Variants in FANCC observed in about 807,000 individuals in gnomAD.
FANCC encodes the protein Fanconi anemia group C protein.
In FANCC, 55 loss-of-function variants were observed where a neutral mutation model predicts 71.3. The ratio of observed to expected loss-of-function variants is 0.77; its 90% CI spans 0.62 to 0.97. The LOEUF (loss-of-function observed/expected upper bound fraction) is 0.97. Among genes scored for constraint, FANCC ranks in the 50% least tolerant of loss-of-function variants. The probability of loss-of-function intolerance (pLI) is 0.00; values close to 1 mark genes in which losing one functional copy is unlikely to be tolerated. For missense variants in FANCC, 678 were observed against 670.9 expected (o/e 1.01, Z -0.12); for synonymous variants, 275 against 244.9 (o/e 1.12, Z -1.15).
At chr9:95,211,107 A>G (rs1288371973) in intron 4 of FANCC, among the ~76,000 whole-genome samples, 6 of 152,204 alleles carry the variant, frequency 3.9e-5, no homozygotes, top group Non-Finnish European at 8.8e-5. Context: ...ACTGAACAAA[A>G]TATCTTCAGA....
At chr9:95,102,811 G>A (rs868213160) in intron 14 of FANCC, among the ~76,000 whole-genome samples, 4 of 152,206 alleles carry the variant, frequency 2.6e-5, no homozygotes, top group South Asian at 2.1e-4. Flanking sequence ...GAATGGCAGC[G>A]TGGGGACGCA....
intron 1 of FANCC, among the ~76,000 whole-genome samples, chr9:95,301,860 G>C (rs550090812): frequency 6.8e-6 from 1 of 147,536 alleles, no homozygotes; most frequent in African/African-American, 2.5e-5. Flanking sequence ...GGTGAATCAC[G>C]AGGTCAGGAG....
chr9:95,281,691 T>C (rs1299107964), intron 1 of FANCC, among the ~76,000 whole-genome samples: 1 of 152,022 alleles, frequency 6.6e-6, no homozygotes, highest in African/African-American at 2.4e-5. Context: ...TTTAAGAAGG[T>C]TAAGACAACA....
chr9:95,256,871 G>A (rs1831690392), intron 1 of FANCC, among the ~76,000 whole-genome samples: 1 of 151,806 alleles, frequency 6.6e-6, no homozygotes. Context: ...AAAAAAAAAA[G>A]CAGGGGTTGC....
intron 1 of FANCC, among the ~76,000 whole-genome samples, chr9:95,265,271 T>C (rs1299691081): frequency 6.6e-6 from 1 of 152,156 alleles, no homozygotes; most frequent in Non-Finnish European, 1.5e-5. Flanking sequence ...AGAGTATGTA[T>C]ATATACTCTT....
chr9:95,280,932 C>T (rs1354397932), intron 1 of FANCC, among the ~76,000 whole-genome samples: 2 of 152,058 alleles, frequency 1.3e-5, no homozygotes, highest in Non-Finnish European at 1.5e-5. Flanking sequence ...CAACAGAAAG[C>T]ATCAATAGCA....
chr9:95,246,264 C>T (rs578114612), intron 3 of FANCC, among the ~76,000 whole-genome samples: 2 of 152,122 alleles, frequency 1.3e-5, no homozygotes, highest in Non-Finnish European at 1.5e-5. Context: ...GAGGGACATA[C>T]GAGGGTGGGG....
At chr9:95,303,687 C>T (rs889612944) in intron 1 of FANCC, among the ~76,000 whole-genome samples, 1 of 152,146 alleles carries the variant, frequency 6.6e-6, no homozygotes, top group African/African-American at 2.4e-5. Context: ...CTCTCTACCT[C>T]TTCTTCTAAG....
chr9:95,302,641 T>TG (rs1263311197), intron 1 of FANCC, among the ~76,000 whole-genome samples: 1 of 152,218 alleles, frequency 6.6e-6, no homozygotes, highest in Non-Finnish European at 1.5e-5. Context: ...AGTAGAGCAG[T>TG]GGGGTTCTGA....
chr9:95,244,916 C>G (rs897206840), intron 3 of FANCC, among the ~76,000 whole-genome samples: 1 of 151,826 alleles, frequency 6.6e-6, no homozygotes, highest in African/African-American at 2.4e-5. Flanking sequence ...GACTTATTGA[C>G]TCTAATCCAT....
At chr9:95,182,839 G>T (rs1231911037) in intron 4 of FANCC, among the ~76,000 whole-genome samples, 2 of 152,106 alleles carry the variant, frequency 1.3e-5, no homozygotes, top group South Asian at 4.2e-4. Context: ...GGAGGAGGGA[G>T]AGGCAAGGGG....
chr9:95,283,402 C>G (rs1833485128), intron 1 of FANCC, among the ~76,000 whole-genome samples: 1 of 152,214 alleles, frequency 6.6e-6, no homozygotes, highest in African/African-American at 2.4e-5. Flanking sequence ...AACATTTAGC[C>G]TGCCATTTCT....
intron 4 of FANCC, among the ~76,000 whole-genome samples, chr9:95,239,300 G>A (rs1409449169): frequency 6.6e-6 from 1 of 152,206 alleles, no homozygotes; most frequent in South Asian, 2.1e-4. Context: ...CACAGATTAA[G>A]TGTTTTAACT....
intron 3 of FANCC, among the ~76,000 whole-genome samples, chr9:95,243,045 T>C (rs755704585): frequency 4.6e-5 from 7 of 152,248 alleles, no homozygotes; most frequent in Non-Finnish European, 8.8e-5. Flanking sequence ...TATTTTTTGA[T>C]ATCTGGAATT....
chr9:95,118,439 A>C (rs937923443), intron 10 of FANCC, among the ~76,000 whole-genome samples: 4 of 152,226 alleles, frequency 2.6e-5, no homozygotes, highest in Admixed American at 2.6e-4. Context: ...TTGAGGTAAA[A>C]TCTATAACGC....
At chr9:95,293,276 A>G in intron 1 of FANCC, 1 of 1,613,364 alleles carries the variant, frequency 6.2e-7, no homozygotes, top group Non-Finnish European at 8.5e-7. Context: ...GTTTTCTCTC[A>G]TGCCTGTCTT....
In FANCC at chr9:95,294,564, T is replaced by G. The variant is rs1374926425; in HGVS notation, c.-79+22962A>C. 7.8e-6 allele frequency: 12 copies of G among 1,537,926 alleles called. No individual in the cohort carries two copies. In the East Asian group the frequency reaches 2.7e-4, roughly 35 times the overall value. On this transcript the variant is annotated intron_variant, in intron 1 of 14. Transcript: ENST00000289081. Reference sequence around the variant, plus strand: ...ATTCATCTGACACAGAGACACAAACTGAAGGAATCTCCACTGTTAAAGATA... The same window carrying G: ...ATTCATCTGACACAGAGACACAAACGGAAGGAATCTCCACTGTTAAAGATA...
intron 8 of FANCC, among the ~76,000 whole-genome samples, chr9:95,129,453 G>A (rs1234604805): frequency 6.6e-6 from 1 of 152,214 alleles, no homozygotes; most frequent in Admixed American, 6.5e-5. Context: ...ATCTTCATGA[G>A]TGATGACGCA....
chr9:95,267,910 G>A (rs1265941146), intron 1 of FANCC, among the ~76,000 whole-genome samples: 4 of 152,186 alleles, frequency 2.6e-5, no homozygotes, highest in Admixed American at 1.3e-4. Context: ...CAGTAGACTG[G>A]AGAGGAAGCA....
Sources: gnomAD v4.1 joint callset for allele counts (sites outside exome capture counted in the v4.1 genomes callset) on GRCh38, gnomAD v4.1.1 for gene constraint, MANE v1.5 for transcripts, NCBI Gene and HGNC (gene_info 2026-07-23, HGNC 2026-07-21) for gene names.